ROBO2: variants seen among roughly 807,000 people sequenced by gnomAD.
ROBO2 encodes roundabout guidance receptor 2.
ROBO2 carries 53 observed loss-of-function variants against 160.8 expected under a neutral mutation model. The observed-to-expected ratio is 0.33, with a 90% CI of 0.26 to 0.41. The LOEUF is 0.41. Ranked by LOEUF, ROBO2 falls within the 10% of genes least tolerant of loss-of-function variation. ROBO2 has a pLI of 1.00. For synonymous variants in ROBO2, 664 were observed against 611.7 expected, an observed-to-expected ratio of 1.09 and a Z score of -1.26; for missense variants, 1,577 against 1,722.4, an observed-to-expected ratio of 0.92 and a Z score of 1.49.
At chr3:76,052,759 C>A (rs939835775) in intron 2 of ROBO2, among the ~76,000 whole-genome samples, 15 of 152,036 alleles carry the variant, frequency 9.9e-5, no homozygotes, top group African/African-American at 3.6e-4. Context: ...ACATTCATAT[C>A]TTCAAATCTG....
At chr3:76,815,972 C>T (rs1003932966) in intron 2 of ROBO2, among the ~76,000 whole-genome samples, 1 of 152,118 alleles carries the variant, frequency 6.6e-6, no homozygotes, top group Admixed American at 6.6e-5. Context: ...TAGCTTTTCT[C>T]ATTTATTTCC....
chr3:77,391,496 G>T (rs1219158152), intron 2 of ROBO2, among the ~76,000 whole-genome samples: 1 of 151,850 alleles, frequency 6.6e-6, no homozygotes, highest in Non-Finnish European at 1.5e-5. Flanking sequence ...CGTCTTACAT[G>T]GCAACAGGCA....
Position 76,555,358 on chromosome 3 carries a change from G to GGAAGAAGAAGAAGAAGA in ROBO2, c.110-542656_110-542655insGAAGAAGAAGAAGAAGA, listed in dbSNP as rs1201244951. ...AGGAAGAGGAGGAAGAGTAGGAAGA[G>GGAAGAAGAAGAAGAAGA]AGAAGAAGAAGAAGAAGAAGAAGAA... On this transcript the variant is annotated intron_variant, in intron 2 of 26. Coordinates refer to the ROBO2 transcript ENST00000487694. 1.7e-3 allele frequency among the ~76,000 whole-genome samples: 96 copies of GGAAGAAGAAGAAGAAGA among 57,974 alleles called. 3 individuals carry two copies. Among genetic ancestry groups the GGAAGAAGAAGAAGAAGA allele is most frequent in the African/African-American group, 4.7e-3 (90 of 19,270 alleles). 38.0% of individuals were successfully genotyped at this position (57,974 alleles called of 152,430 possible).
intron 2 of ROBO2, among the ~76,000 whole-genome samples, chr3:76,126,134 G>T (rs1413902103): frequency 6.6e-6 from 1 of 152,128 alleles, no homozygotes; most frequent in East Asian, 1.9e-4. Flanking sequence ...TAATTTTAAA[G>T]GGGAAAAATA....
At chr3:77,600,023 G>A (rs2094400469) in intron 19 of ROBO2, among the ~76,000 whole-genome samples, 1 of 152,210 alleles carries the variant, frequency 6.6e-6, no homozygotes, top group African/African-American at 2.4e-5. Flanking sequence ...CCAATTCCAA[G>A]TAGAGGAAGC....
At chr3:77,313,185 A>G (rs1010236780) in intron 2 of ROBO2, among the ~76,000 whole-genome samples, 1 of 152,190 alleles carries the variant, frequency 6.6e-6, no homozygotes, top group African/African-American at 2.4e-5. Context: ...GATGGGTTAG[A>G]GATTCTGTGT....
chr3:76,146,363 G>T (rs1409727721), intron 2 of ROBO2, among the ~76,000 whole-genome samples: 1 of 151,766 alleles, frequency 6.6e-6, no homozygotes, highest in East Asian at 2.0e-4. Context: ...GGAAATTAGG[G>T]TGTGTTATCA....
intron 2 of ROBO2, among the ~76,000 whole-genome samples, chr3:77,334,400 T>A (rs2066274899): frequency 6.6e-6 from 1 of 152,238 alleles, no homozygotes. Context: ...TCTTTCCTCA[T>A]ACAATCCAAT....
At chr3:77,218,472 C>T (rs1313729376) in intron 2 of ROBO2, among the ~76,000 whole-genome samples, 1 of 151,280 alleles carries the variant, frequency 6.6e-6, no homozygotes. Flanking sequence ...CTCCTGGGTT[C>T]AAGCAGTTCT....
chr3:77,613,634 T>C (rs2094700697), intron 21 of ROBO2, among the ~76,000 whole-genome samples: 1 of 152,118 alleles, frequency 6.6e-6, no homozygotes, highest in Non-Finnish European at 1.5e-5. Context: ...GCATTCTAAT[T>C]AGTGGAATGA....
chr3:76,616,225 C>A (rs2088570364), intron 2 of ROBO2, among the ~76,000 whole-genome samples: 1 of 152,186 alleles, frequency 6.6e-6, no homozygotes, highest in African/African-American at 2.4e-5. Flanking sequence ...TACCTTACCA[C>A]TTTTATCCAA....
At chr3:77,019,643 A>G (rs369120488) in intron 2 of ROBO2, among the ~76,000 whole-genome samples, 11 of 152,340 alleles carry the variant, frequency 7.2e-5, no homozygotes, top group African/African-American at 2.6e-4. Flanking sequence ...CCCACTGGTG[A>G]AACCAGTGTC....
chr3:77,362,226 A>G (rs1436872269), intron 2 of ROBO2, among the ~76,000 whole-genome samples: 1 of 152,156 alleles, frequency 6.6e-6, no homozygotes, highest in Admixed American at 6.6e-5. Flanking sequence ...TGCAATAGAC[A>G]TAGGGACCAT....
At chr3:76,505,800 A>T (rs989146187) in intron 2 of ROBO2, among the ~76,000 whole-genome samples, 1 of 152,206 alleles carries the variant, frequency 6.6e-6, no homozygotes, top group African/African-American at 2.4e-5. Context: ...GCCTTAGGCT[A>T]CCCATTTTAC....
chr3:77,555,665 G>A (rs1666113), intron 8 of ROBO2, among the ~76,000 whole-genome samples: 84,591 of 151,322 alleles, frequency 0.56, 23,676 homozygotes, highest in Middle Eastern at 0.68. Context: ...AAAAGACTGG[G>A]GAGATAAGAT....
chr3:76,378,929 C>A (rs2076484917), intron 2 of ROBO2, among the ~76,000 whole-genome samples: 1 of 152,148 alleles, frequency 6.6e-6, no homozygotes, highest in South Asian at 2.1e-4. Flanking sequence ...TAAATCATGG[C>A]CTCTTTGCTA....
intron 2 of ROBO2, among the ~76,000 whole-genome samples, chr3:77,324,811 A>G (rs190436649): frequency 2.4e-4 from 37 of 151,072 alleles, no homozygotes; most frequent in Admixed American, 1.5e-3. Context: ...AAAAGCTACC[A>G]TACTTTACAG....
At chr3:76,922,666 T>G (rs1386631951) in intron 2 of ROBO2, among the ~76,000 whole-genome samples, 1 of 152,122 alleles carries the variant, frequency 6.6e-6, no homozygotes, top group African/African-American at 2.4e-5. Flanking sequence ...AATAGGAAAT[T>G]ATCCACTTGT....
intron 2 of ROBO2, among the ~76,000 whole-genome samples, chr3:76,492,409 A>G (rs937483344): frequency 6.6e-6 from 1 of 152,096 alleles, no homozygotes; most frequent in African/African-American, 2.4e-5. Context: ...GACTCTGCCC[A>G]TGGTCCAGTT....
Sources: allele counts gnomAD v4.1 joint callset (sites outside exome capture counted in the v4.1 genomes callset), GRCh38; gene constraint gnomAD v4.1.1; transcripts MANE v1.5; gene names NCBI Gene and HGNC (gene_info 2026-07-23, HGNC 2026-07-21).